Variants in CACNA2D4 observed in about 807,000 individuals in gnomAD.
CACNA2D4 encodes the protein voltage-dependent calcium channel subunit alpha-2/delta-4.
CACNA2D4 carries 157 observed loss-of-function variants against 163.8 expected under a neutral mutation model. That is an observed-to-expected ratio of 0.96 (90% CI 0.84 to 1.09). The LOEUF is 1.09. CACNA2D4 is among the 50% of genes least tolerant of loss of function. CACNA2D4 has a pLI of 0.00. For synonymous variants in CACNA2D4, 598 were observed against 586.9 expected (o/e 1.02, Z -0.27); for missense variants, 1,410 against 1,479.9 (o/e 0.95, Z 0.78).
At chr12:1,832,142 T>C (rs1450319209) in intron 26 of CACNA2D4, among the ~76,000 whole-genome samples, 1 of 152,218 alleles carries the variant, frequency 6.6e-6, no homozygotes, top group Non-Finnish European at 1.5e-5. Flanking sequence ...AGTGCTGTAA[T>C]GACCTATGAC....
chr12:1,895,553 G>A (rs910345263), intron 6 of CACNA2D4, among the ~76,000 whole-genome samples: 1 of 152,112 alleles, frequency 6.6e-6, no homozygotes, highest in African/African-American at 2.4e-5. Context: ...CAGACCCAAA[G>A]ACCAATGAAA....
intron 18 of CACNA2D4, 134 bp from the exon 19 acceptor site, chr12:1,860,340 C>T: frequency 1.5e-6 from 1 of 668,878 alleles, no homozygotes; most frequent in Non-Finnish European, 2.7e-6. Flanking sequence ...CCCTGACCAG[C>T]CCCTACACAC....
chr12:1,795,218 C>G, intron 37 of CACNA2D4, 81 bp downstream of exon 37: 1 of 1,312,766 alleles, frequency 7.6e-7, no homozygotes, highest in South Asian at 1.2e-5. Context: ...CTATATGCTC[C>G]TGTCTGCAGG....
Position 1,918,493 on chromosome 12 carries a change from C to A in CACNA2D4, c.-20G>T, listed in dbSNP as rs774298415. The A allele has an allele frequency of 1.9e-6, 3 of 1,542,484 alleles. No homozygotes were observed. The South Asian group carries it at 3.6e-5, about 18-fold the overall frequency. On this transcript the variant is annotated 5_prime_UTR_variant, in exon 1 of 38. Coordinates refer to ENST00000382722, the MANE Select transcript of CACNA2D4 (RefSeq NM_172364.5). ...GACCATGAGCTCTGTCTGCCTTCCT[C>A]CCAGACCCCAGGACGCCCCAGGCCT...
At chr12:1,858,419 C>A (rs748170514) in intron 20 of CACNA2D4, among the ~76,000 whole-genome samples, 158 bp downstream of exon 20, 2 of 152,160 alleles carry the variant, frequency 1.3e-5, no homozygotes, top group African/African-American at 2.4e-5. Context: ...ACACACACGC[C>A]CCTCTCCACC....
At chr12:1,848,271 G>A (rs1157561875) in intron 23 of CACNA2D4, among the ~76,000 whole-genome samples, 1 of 151,982 alleles carries the variant, frequency 6.6e-6, no homozygotes, top group African/African-American at 2.4e-5. Flanking sequence ...CCTTGCAATC[G>A]ATGTGTGGAA....
chr12:1,814,334 G>A (rs188940546), intron 26 of CACNA2D4, among the ~76,000 whole-genome samples: 18 of 152,276 alleles, frequency 1.2e-4, no homozygotes, highest in Middle Eastern at 3.4e-3. Flanking sequence ...CCCCCACTTG[G>A]TTCCATTCCA....
rs375692488 is a variant in CACNA2D4 at position 1,884,198 on chromosome 12, G to A, written c.1351+45C>T. On this transcript the variant is annotated intron_variant, in intron 12 of 37. Coordinates refer to ENST00000382722, the MANE Select transcript of CACNA2D4 (RefSeq NM_172364.5). The stretch of plus-strand genomic sequence containing the variant: ...CCAGGGCTGGGTAACCCTGTCTCCT[G>A]TGCTCAGGTGCAGGTGGGAAGGTAC... 42 of 1,568,176 alleles carry A rather than the reference G, an allele frequency of 2.7e-5. No individual in the cohort carries two copies. The African/African-American group carries it at 5.7e-4, about 21-fold the overall frequency.
intron 35 of CACNA2D4, among the ~76,000 whole-genome samples, chr12:1,796,206 C>T (rs899289434): frequency 1.3e-5 from 2 of 152,186 alleles, no homozygotes; most frequent in African/African-American, 4.8e-5. Context: ...GCGCAGTGGC[C>T]CCGCGCTCGG....
At chr12:1,827,211 G>C (rs1031283673) in intron 26 of CACNA2D4, among the ~76,000 whole-genome samples, 1 of 152,144 alleles carries the variant, frequency 6.6e-6, no homozygotes, top group Non-Finnish European at 1.5e-5. Flanking sequence ...CTGGCAGCCT[G>C]GGCCTCCCAT....
At position 1,909,914 on chromosome 12, in the gene CACNA2D4, A is replaced by T. The variant is rs766769841; in HGVS notation, c.478T>A (p.Ser160Thr). The T allele has an allele frequency of 1.2e-5, 20 of 1,613,488 alleles. No homozygotes were observed. The highest frequency in any genetic ancestry group is 1.3e-5 in the African/African-American group (1 of 74,904). ...CCAGGAGTGGGACTCACCACCAGGGATTCATTGAATTCGTGGTTCAGGTCG... is the reference window on the plus strand; with the variant it reads ...CCAGGAGTGGGACTCACCACCAGGGTTTCATTGAATTCGTGGTTCAGGTCG... ...EADLNHEFNESLVFDYYNSVL... is the reference protein window; with the variant it reads ...EADLNHEFNETLVFDYYNSVL... Residue 160 changes from serine (S) to threonine (T), a missense_variant, in exon 4 of 38, where the codon TCC becomes ACC. Ser to Thr is a moderately conservative substitution (Grantham distance 58, BLOSUM62 1). Transcript: ENST00000382722.
At chr12:1,815,672 A>G (rs1212004263) in intron 26 of CACNA2D4, among the ~76,000 whole-genome samples, 1 of 152,100 alleles carries the variant, frequency 6.6e-6, no homozygotes, top group African/African-American at 2.4e-5. Context: ...TGAGCCAGCC[A>G]CTTGACGGGG....
intron 2 of CACNA2D4, among the ~76,000 whole-genome samples, chr12:1,914,091 TG>T (rs1385471637): frequency 6.6e-6 from 1 of 152,116 alleles, no homozygotes; most frequent in Non-Finnish European, 1.5e-5. Flanking sequence ...GGGACAGGCC[TG>T]GGGGCTGTGG....
intron 29 of CACNA2D4, among the ~76,000 whole-genome samples, chr12:1,804,215 C>G (rs927653758): frequency 6.6e-6 from 1 of 151,572 alleles, no homozygotes; most frequent in East Asian, 1.9e-4. Context: ...GACAGAAATC[C>G]ACTTCTGTCC....
intron 6 of CACNA2D4, among the ~76,000 whole-genome samples, chr12:1,892,005 C>T (rs1866295648): frequency 6.6e-6 from 1 of 152,130 alleles, no homozygotes. Context: ...AAGTCTATTT[C>T]ACAAAATACT....
chr12:1,871,342 C>A (rs887495812), intron 18 of CACNA2D4, among the ~76,000 whole-genome samples: 4 of 118,608 alleles, frequency 3.4e-5, no homozygotes, highest in Non-Finnish European at 6.8e-5. Context: ...CATGTGTACA[C>A]GTGTGTTGCT....
rs1045186612 is a variant in CACNA2D4, at chr12:1,798,955, G to A, written c.2995+720C>T. On this transcript the variant is annotated intron_variant, in intron 34 of 37. Coordinates refer to ENST00000382722, the MANE Select transcript of CACNA2D4 (RefSeq NM_172364.5). The surrounding 1 kb of genome is among the most constrained non-coding windows in gnomAD (Gnocchi z 4.3). ...AAGCCCCAAGCCAAGGCCAGCAGAA[G>A]AGAACGAAGAGCAAGCCAGAGAGAG... Among the ~76,000 whole-genome samples, 6 of 152,184 alleles carry A rather than the reference G, an allele frequency of 3.9e-5. No individual in the cohort carries two copies. The highest frequency in any genetic ancestry group is 3.3e-4 in the Admixed American group (5 of 15,284).
At position 1,917,143 on chromosome 12, in the gene CACNA2D4, T is replaced by C. The variant is rs1234647176; in HGVS notation, c.227+1104A>G. ...TGACAGGAGTTCAAATCCCAGCACCTTCACTTCCTGGCCTTGTGAACTTGG... is the reference window on the plus strand; with the variant it reads ...TGACAGGAGTTCAAATCCCAGCACCCTCACTTCCTGGCCTTGTGAACTTGG... On this transcript the variant is annotated intron_variant, in intron 1 of 37. Coordinates refer to ENST00000382722, the MANE Select transcript of CACNA2D4 (RefSeq NM_172364.5). The surrounding 1 kb of genome is among the most constrained non-coding windows in gnomAD (Gnocchi z 4.3). 2.6e-5 allele frequency among the ~76,000 whole-genome samples: 4 copies of C among 152,162 alleles called. No individual in the cohort carries two copies. The highest frequency in any genetic ancestry group is 7.2e-5 in the African/African-American group (3 of 41,436).
chr12:1,846,762 T>C lies in CACNA2D4; in HGVS notation c.2247-73A>G, dbSNP rs182571422. ...AGCTTGGGGGCGACCTGCAGGGGTT[T>C]GGGGGCCTCTCCTTGCTCCTGCCTG... On this transcript the variant is annotated intron_variant, in intron 23 of 37. Transcript: ENST00000382722. 4.9e-4 allele frequency: 598 copies of C among 1,225,108 alleles called. 8 individuals carry two copies. The East Asian group carries it at 0.012, about 24-fold the overall frequency. The allele number at this position is 1,225,108 out of a possible 1,614,324, so 75.9% of individuals were successfully genotyped here.
Sources: allele counts gnomAD v4.1 joint callset (sites outside exome capture counted in the v4.1 genomes callset), GRCh38; gene constraint gnomAD v4.1.1; non-coding constraint Gnocchi (gnomAD v3.1); transcripts MANE v1.5; gene names NCBI Gene and HGNC (gene_info 2026-07-23, HGNC 2026-07-21).